The following RFWD3 variants were observed in gnomAD, a reference collection of about 807,000 sequenced individuals.
RFWD3 encodes E3 ubiquitin-protein ligase RFWD3.
In RFWD3, 65 loss-of-function variants were observed where a neutral mutation model predicts 87.7. The ratio of observed to expected loss-of-function variants is 0.74; its 90% CI spans 0.61 to 0.91. RFWD3 has a LOEUF of 0.91. Ranked by LOEUF, RFWD3 falls within the 40% of genes least tolerant of loss-of-function variation. The probability of loss-of-function intolerance (pLI) is 0.00; values close to 1 mark genes in which losing one functional copy is unlikely to be tolerated. For missense variants in RFWD3, 1,078 were observed against 938.5 expected (o/e 1.15, Z -1.94); for synonymous variants, 433 against 352.8 (o/e 1.23, Z -2.55).
Position 74,649,144 on chromosome 16 carries a change from G to A in RFWD3, c.780C>T (p.Thr260=), listed in dbSNP as rs759317365. 1.9e-6 allele frequency: 3 copies of A among 1,566,578 alleles called. No homozygotes were observed. Among genetic ancestry groups the A allele is most frequent in the Non-Finnish European group, 1.7e-6 (2 of 1,162,668 alleles). Residue 260 remains threonine (T), a synonymous_variant, in exon 4 of 13, where the codon ACC becomes ACT. Transcript: ENST00000361070. ...ATGTTCATATTACCTGTTTGGGGAG[G>A]GTCTTGCCTCCATCGATACATGTAA... The part of the protein sequence containing the change: ...QEVTCIDGGK[T]LPKQPSPQKS...
chr16:74,648,214 C>T (rs1166783332), intron 4 of RFWD3, among the ~76,000 whole-genome samples: 3 of 152,068 alleles, frequency 2.0e-5, no homozygotes, highest in Non-Finnish European at 4.4e-5. Context: ...CCTCCCTCCC[C>T]ATTTTTAAAT....
intron 4 of RFWD3, among the ~76,000 whole-genome samples, chr16:74,646,651 C>A: frequency 6.6e-6 from 1 of 151,480 alleles, no homozygotes; most frequent in Admixed American, 6.6e-5. Context: ...CCAGGCATGA[C>A]GGCGTGTGCC....
At chr16:74,636,203 C>G in intron 8 of RFWD3, 143 bp downstream of exon 8, 1 of 683,666 alleles carries the variant, frequency 1.5e-6, no homozygotes, top group South Asian at 1.8e-5. Flanking sequence ...ATCTTTGCAG[C>G]ACCCTGGGGT....
chr16:74,637,581 C>T (rs760002725), intron 7 of RFWD3, among the ~76,000 whole-genome samples: 1 of 151,976 alleles, frequency 6.6e-6, no homozygotes, highest in South Asian at 2.1e-4. Flanking sequence ...TGCAGTGAGC[C>T]GAGATCACAT....
At chr16:74,638,008 A>G in intron 6 of RFWD3, 38 bp from the exon 7 acceptor site, 3 of 1,417,664 alleles carry the variant, frequency 2.1e-6, no homozygotes, top group Non-Finnish European at 3.0e-6. Flanking sequence ...GGGATTAGGA[A>G]GGCTACAGAA....
At chr16:74,642,588 C>A (rs546468692) in intron 6 of RFWD3, among the ~76,000 whole-genome samples, 2 of 152,250 alleles carry the variant, frequency 1.3e-5, no homozygotes, top group South Asian at 2.1e-4. Flanking sequence ...GCAGCCACAA[C>A]CTCCTGGGCT....
intron 9 of RFWD3, among the ~76,000 whole-genome samples, chr16:74,631,164 C>A (rs931326854): frequency 6.6e-6 from 1 of 152,140 alleles, no homozygotes; most frequent in Non-Finnish European, 1.5e-5. Context: ...ACAGGTTTTC[C>A]TCTTGAGTTC....
chr16:74,641,650 T>G (rs2144167302), intron 6 of RFWD3, among the ~76,000 whole-genome samples: 1 of 151,676 alleles, frequency 6.6e-6, no homozygotes. Flanking sequence ...TCTGGCCGGG[T>G]GCAGTGCCTC....
intron 4 of RFWD3, among the ~76,000 whole-genome samples, chr16:74,645,116 T>C (rs936637288): frequency 6.6e-6 from 1 of 152,248 alleles, no homozygotes; most frequent in Non-Finnish European, 1.5e-5. Context: ...TGTTTGCTTA[T>C]AATTAAAGAA....
At chr16:74,660,830 T>C in intron 2 of RFWD3, 102 bp downstream of exon 2, 3 of 1,365,922 alleles carry the variant, frequency 2.2e-6, no homozygotes, top group Non-Finnish European at 3.0e-6. Context: ...AGAAGTTACC[T>C]GACTTGCCAA....
Position 74,660,951 on chromosome 16 carries a change from G to A in RFWD3, c.499C>T (p.Gln167Ter), listed in dbSNP as rs760013649. The change falls in exon 2 of 13, where the codon CAG becomes TAG. Residue 167 changes from glutamine (Q) to a stop codon, truncating the protein, a stop_gained. Coordinates refer to ENST00000361070, the MANE Select transcript of RFWD3 (RefSeq NM_018124.4). LOFTEE classifies it high-confidence loss of function. ...ATTTACCTGGCACTGTCTGTCCTCT[G>A]AGACCCTCCGGCTCTTGCCCTCCGT... ...ASRRARAGGS[Q>*]RTDSARLRAP... 5.0e-6 allele frequency: 8 copies of A among 1,613,506 alleles called. No homozygotes were observed. Among genetic ancestry groups the A allele is most frequent in the Non-Finnish European group, 6.8e-6 (8 of 1,179,578 alleles).
chr16:74,648,881 T>C (rs549532003), intron 4 of RFWD3, among the ~76,000 whole-genome samples: 1 of 151,864 alleles, frequency 6.6e-6, no homozygotes, highest in East Asian at 1.9e-4. Flanking sequence ...AGCCCAGGAG[T>C]TCGAAACCAA....
At chr16:74,630,408 A>G (rs1326433473) in intron 10 of RFWD3, among the ~76,000 whole-genome samples, 1 of 152,240 alleles carries the variant, frequency 6.6e-6, no homozygotes, top group Non-Finnish European at 1.5e-5. Context: ...ACATGTGGCT[A>G]TTAAAGCAAG....
intron 10 of RFWD3, among the ~76,000 whole-genome samples, chr16:74,630,300 A>AC (rs1959053416): frequency 6.6e-6 from 1 of 152,154 alleles, no homozygotes; most frequent in African/African-American, 2.4e-5. Context: ...GGGTTTTACC[A>AC]CGTTGGTCAG....
chr16:74,660,853 C>G, intron 2 of RFWD3, 79 bp downstream of exon 2: 1 of 1,488,746 alleles, frequency 6.7e-7, no homozygotes, highest in Non-Finnish European at 9.1e-7. Flanking sequence ...GTCACACTGT[C>G]AGTCCTTGAA....
rs567900848 is a variant in RFWD3 at position 74,632,821 on chromosome 16, C to G, written c.1427-148G>C. On this transcript the variant is annotated intron_variant, in intron 8 of 12. Transcript: ENST00000361070. ...GTCAAACAAAAATTCTCTAGTGTTA[C>G]AATTTATTCATTTATTTTTGAGAGT... The G allele has an allele frequency of 1.2e-5, 8 of 661,016 alleles. No homozygotes were observed. In the East Asian group the frequency reaches 2.0e-4, roughly 16 times the overall value. 40.9% of individuals were successfully genotyped at this position (661,016 alleles called of 1,614,324 possible).
rs1961398669 is a variant in RFWD3, at chr16:74,661,136, C to A, written c.314G>T (p.Gly105Val). 4 of 1,614,194 alleles carry A rather than the reference C, an allele frequency of 2.5e-6. No individual in the cohort carries two copies. The highest frequency in any genetic ancestry group is 2.5e-6 in the Non-Finnish European group (3 of 1,180,036). ...TGGGATGGTGTGATTACCATCAGATCCCTGCCTATGTTGTTCTGAAGTTCT... is the reference window on the plus strand; with the variant it reads ...TGGGATGGTGTGATTACCATCAGATACCTGCCTATGTTGTTCTGAAGTTCT... ...NPRTSEQHRQ[G>V]SDGNHTIPAS... The change falls in exon 2 of 13, where the codon GGA (glycine) becomes GTA (valine). Residue 105 changes from glycine to valine, a missense_variant. Coordinates refer to ENST00000361070, the MANE Select transcript of RFWD3 (RefSeq NM_018124.4).
intron 2 of RFWD3, among the ~76,000 whole-genome samples, chr16:74,653,718 A>G (rs1273315272): frequency 2.0e-5 from 3 of 152,210 alleles, no homozygotes; most frequent in Non-Finnish European, 4.4e-5. Context: ...AGTTTTAATA[A>G]TTATGACATT....
chr16:74,652,594 G>C (rs1008674762), intron 2 of RFWD3, among the ~76,000 whole-genome samples: 1 of 152,066 alleles, frequency 6.6e-6, no homozygotes, highest in African/African-American at 2.4e-5. Context: ...TCTCATTTTA[G>C]GATAGTATTT....
Sources: gnomAD v4.1 joint callset for allele counts (sites outside exome capture counted in the v4.1 genomes callset) on GRCh38, gnomAD v4.1.1 for gene constraint, MANE v1.5 for transcripts, NCBI Gene and HGNC (gene_info 2026-07-23, HGNC 2026-07-21) for gene names.